The following INPP5A variants were observed in gnomAD, a reference collection of about 807,000 sequenced individuals.
INPP5A encodes 43 kDa inositol polyphosphate 5-phophatase.
Under a neutral mutation model 65.2 loss-of-function variants are expected in INPP5A, and 14 were observed. That is an observed-to-expected ratio of 0.21 (90% CI 0.14 to 0.34). The LOEUF (loss-of-function observed/expected upper bound fraction) is 0.34, where lower values mean the gene tolerates loss of function less well. Ranked by LOEUF, INPP5A falls within the 10% of genes least tolerant of loss-of-function variation. The pLI is 1.00. For synonymous variants in INPP5A, 207 were observed against 208.3 expected (o/e 0.99, Z 0.05); for missense variants, 431 against 545.6 (o/e 0.79, Z 2.09).
chr10:132,580,830 C>T (rs779811798), intron 1 of INPP5A, among the ~76,000 whole-genome samples: 6 of 152,238 alleles, frequency 3.9e-5, no homozygotes, highest in Non-Finnish European at 7.3e-5. Flanking sequence ...CTGACATCAG[C>T]ATACTTCCCC....
At chr10:132,731,453 G>T (rs1398421280) in intron 9 of INPP5A, among the ~76,000 whole-genome samples, 1 of 150,936 alleles carries the variant, frequency 6.6e-6, no homozygotes, top group Non-Finnish European at 1.5e-5. Context: ...CCGCGTCCCT[G>T]CCCCATATCA....
intron 9 of INPP5A, among the ~76,000 whole-genome samples, chr10:132,746,220 G>A (rs888537034): frequency 1.3e-5 from 2 of 152,268 alleles, no homozygotes; most frequent in Non-Finnish European, 2.9e-5. Flanking sequence ...TACAGCCAGC[G>A]AGGATTCATT....
At chr10:132,671,312 G>A (rs1270394367) in intron 4 of INPP5A, among the ~76,000 whole-genome samples, 2 of 126,310 alleles carry the variant, frequency 1.6e-5, no homozygotes, top group African/African-American at 2.7e-5. Context: ...GGGCTGCGGC[G>A]AGGCTTGTGC....
intron 8 of INPP5A, among the ~76,000 whole-genome samples, chr10:132,717,729 TAGAC>T (rs932755634): frequency 2.0e-5 from 3 of 148,646 alleles, no homozygotes; most frequent in Non-Finnish European, 4.4e-5. Flanking sequence ...CTGGGCGCCT[TAGAC>T]AGCTGTCTTC....
intron 1 of INPP5A, among the ~76,000 whole-genome samples, chr10:132,566,405 G>A (rs530211643): frequency 1.3e-5 from 2 of 152,158 alleles, no homozygotes; most frequent in Non-Finnish European, 2.9e-5. Context: ...GCAGGGATAC[G>A]GAGGCCCGAC....
At chr10:132,720,302 G>A (rs1200263874) in intron 8 of INPP5A, among the ~76,000 whole-genome samples, 5 of 150,140 alleles carry the variant, frequency 3.3e-5, no homozygotes, top group South Asian at 2.1e-4. Context: ...GCTGTCTTGC[G>A]GGTTCTGTGG....
chr10:132,724,625 C>CA (rs1285461064), intron 8 of INPP5A, among the ~76,000 whole-genome samples: 1 of 151,804 alleles, frequency 6.6e-6, no homozygotes, highest in Middle Eastern at 3.2e-3. Flanking sequence ...CCATATTCAC[C>CA]GCAGATGGGG....
intron 4 of INPP5A, among the ~76,000 whole-genome samples, chr10:132,688,582 C>G (rs1406103597): frequency 6.6e-6 from 1 of 152,170 alleles, no homozygotes; most frequent in African/African-American, 2.4e-5. Flanking sequence ...CAAAACAAAG[C>G]AAGAGTGCAT....
At chr10:132,591,596 CG>C (rs1483197164) in intron 1 of INPP5A, among the ~76,000 whole-genome samples, 29 of 152,198 alleles carry the variant, frequency 1.9e-4, no homozygotes, top group Admixed American at 5.2e-4. Flanking sequence ...GCATTGGAAG[CG>C]GGCCTTCTCT....
intron 8 of INPP5A, among the ~76,000 whole-genome samples, chr10:132,724,865 C>G (rs896749920): frequency 6.8e-6 from 1 of 146,480 alleles, no homozygotes; most frequent in African/African-American, 2.6e-5. Context: ...TACTCACTCT[C>G]CAGAACTCAC....
At chr10:132,589,479 GCCCCTCCTGT>G (rs1191748257) in intron 1 of INPP5A, among the ~76,000 whole-genome samples, 1 of 152,258 alleles carries the variant, frequency 6.6e-6, no homozygotes, top group Non-Finnish European at 1.5e-5. Flanking sequence ...CGAGGCACTC[GCCCCTCCTGT>G]CCTTCCTCAG....
intron 4 of INPP5A, among the ~76,000 whole-genome samples, chr10:132,662,910 G>A (rs931840833): frequency 1.3e-5 from 2 of 152,204 alleles, no homozygotes; most frequent in Non-Finnish European, 2.9e-5. Flanking sequence ...GTGTGGATGT[G>A]TCAGGACTCA....
At chr10:132,661,336 A>G (rs1037433791) in intron 4 of INPP5A, among the ~76,000 whole-genome samples, 2 of 152,212 alleles carry the variant, frequency 1.3e-5, no homozygotes, top group Non-Finnish European at 2.9e-5. Flanking sequence ...TATTTTGATT[A>G]TGTCTTCAGA....
intron 1 of INPP5A, among the ~76,000 whole-genome samples, chr10:132,554,814 C>T (rs28445141): frequency 2.8e-5 from 4 of 143,036 alleles, no homozygotes; most frequent in Non-Finnish European, 6.0e-5. Context: ...GTATGGGTGG[C>T]GTGGTATTGT....
intron 4 of INPP5A, among the ~76,000 whole-genome samples, chr10:132,669,845 T>C (rs768199264): frequency 6.6e-6 from 1 of 152,024 alleles, no homozygotes; most frequent in Non-Finnish European, 1.5e-5. Context: ...CACTGTGGCC[T>C]TGCTGAGCCC....
At chr10:132,642,961 A>G (rs1374818408) in intron 2 of INPP5A, among the ~76,000 whole-genome samples, 1 of 152,222 alleles carries the variant, frequency 6.6e-6, no homozygotes, top group African/African-American at 2.4e-5. Context: ...TCCGTCCAGT[A>G]CAAAGCAGGT....
At chr10:132,734,274 C>G (rs903575624) in intron 9 of INPP5A, among the ~76,000 whole-genome samples, 2 of 152,246 alleles carry the variant, frequency 1.3e-5, no homozygotes, top group African/African-American at 2.4e-5. Context: ...GCCCACTGAT[C>G]TCGGTGCTCC....
At chr10:132,634,681 A>G (rs117561633) in intron 2 of INPP5A, among the ~76,000 whole-genome samples, 2,304 of 152,350 alleles carry the variant, frequency 0.015, 32 homozygotes, top group South Asian at 0.039. Flanking sequence ...GTTATTAGCC[A>G]TATACACATT....
intron 1 of INPP5A, among the ~76,000 whole-genome samples, chr10:132,584,147 G>A (rs759241926): frequency 1.3e-5 from 2 of 152,234 alleles, no homozygotes; most frequent in Non-Finnish European, 2.9e-5. Flanking sequence ...AGTGAGAGCT[G>A]TTGACCTGTA....
Sources: allele counts gnomAD v4.1 joint callset (sites outside exome capture counted in the v4.1 genomes callset), GRCh38; gene constraint gnomAD v4.1.1; transcripts MANE v1.5; gene names NCBI Gene and HGNC (gene_info 2026-07-23, HGNC 2026-07-21).